GSK3B: variants seen among roughly 807,000 people sequenced by gnomAD.
The protein encoded by GSK3B is glycogen synthase kinase 3 beta.
Under a neutral mutation model 56.4 loss-of-function variants are expected in GSK3B, and 15 were observed. The observed-to-expected ratio is 0.27, with a 90% CI of 0.18 to 0.41. GSK3B has a LOEUF of 0.41. GSK3B is among the 10% of genes least tolerant of loss of function. The pLI is 1.00. For synonymous variants in GSK3B, 181 were observed against 188.9 expected, an observed-to-expected ratio of 0.96 and a Z score of 0.34; for missense variants, 300 against 513.4, an observed-to-expected ratio of 0.58 and a Z score of 4.02.
chr3:120,082,742 G>T (rs2058432266), intron 1 of GSK3B, among the ~76,000 whole-genome samples: 1 of 151,642 alleles, frequency 6.6e-6, no homozygotes. Flanking sequence ...AGGTTATAAA[G>T]ATTTACTACC....
chr3:119,969,001 A>G (rs1232531494), intron 2 of GSK3B, among the ~76,000 whole-genome samples: 1 of 152,128 alleles, frequency 6.6e-6, no homozygotes, highest in Non-Finnish European at 1.5e-5. Context: ...TACAAGATCT[A>G]TATCATGAGG....
At chr3:119,937,326 A>C (rs1373852659) in intron 3 of GSK3B, among the ~76,000 whole-genome samples, 1 of 152,190 alleles carries the variant, frequency 6.6e-6, no homozygotes, top group Admixed American at 6.5e-5. Flanking sequence ...TTCTCATTCT[A>C]TGAGTTCCCT....
At chr3:120,035,333 C>G (rs138773736) in intron 1 of GSK3B, among the ~76,000 whole-genome samples, 2 of 152,328 alleles carry the variant, frequency 1.3e-5, no homozygotes, top group African/African-American at 4.8e-5. Flanking sequence ...TCAGAGCCAA[C>G]ACCTTGATTT....
At chr3:120,079,556 G>A (rs1446058313) in intron 1 of GSK3B, among the ~76,000 whole-genome samples, 5 of 151,606 alleles carry the variant, frequency 3.3e-5, no homozygotes, top group Admixed American at 2.6e-4. Context: ...CACCGTACCC[G>A]GCTAATTTTT....
At chr3:119,947,738 T>C (rs2057113923) in intron 2 of GSK3B, among the ~76,000 whole-genome samples, 2 of 152,024 alleles carry the variant, frequency 1.3e-5, no homozygotes, top group African/African-American at 4.8e-5. Context: ...CTGTAAGAAC[T>C]GTTACTTTAC....
intron 10 of GSK3B, among the ~76,000 whole-genome samples, chr3:119,831,989 A>G (rs916018830): frequency 6.6e-6 from 1 of 152,226 alleles, no homozygotes; most frequent in Non-Finnish European, 1.5e-5. Context: ...AGATGACCCC[A>G]ATGATTCATG....
intron 2 of GSK3B, among the ~76,000 whole-genome samples, chr3:119,954,450 C>T (rs987562934): frequency 7.9e-5 from 12 of 151,732 alleles, no homozygotes; most frequent in Non-Finnish European, 1.0e-4. Context: ...CATCGGGCTG[C>T]AATGTTAAAA....
intron 2 of GSK3B, among the ~76,000 whole-genome samples, chr3:119,994,010 C>T (rs958776422): frequency 3.3e-5 from 5 of 152,060 alleles, no homozygotes; most frequent in South Asian, 2.1e-4. Context: ...TACAGGCACC[C>T]GCCACCATGC....
At chr3:119,900,826 A>C (rs951090583) in intron 7 of GSK3B, among the ~76,000 whole-genome samples, 2 of 152,174 alleles carry the variant, frequency 1.3e-5, no homozygotes, top group Non-Finnish European at 2.9e-5. Context: ...AAGCAGTAAG[A>C]TGGTATTTTT....
In GSK3B at chr3:119,823,905, A is replaced by T. The variant is rs2055455164; in HGVS notation, c.*2883T>A. 1.5e-5 allele frequency: 3 copies of T among 198,092 alleles called. No homozygotes were observed. The South Asian group carries it at 5.8e-4, about 38-fold the overall frequency. The allele number at this position is 198,092 out of a possible 1,614,324, so 12.3% of individuals were successfully genotyped here. ...GGATAAAGGAAACCAATTAAAATTTAAAAAAGAACAAATTAAAAAAAAAAA... is the reference window on the plus strand; with the variant it reads ...GGATAAAGGAAACCAATTAAAATTTTAAAAAGAACAAATTAAAAAAAAAAA... On this transcript the variant is annotated 3_prime_UTR_variant, in exon 11 of 11. Coordinates refer to ENST00000264235, the MANE Select transcript of GSK3B (RefSeq NM_001146156.2).
chr3:120,093,836 T>C lies in GSK3B; in HGVS notation c.-402A>G, dbSNP rs865793037. The C allele has an allele frequency of 9.5e-6, 2 of 210,880 alleles. No individual in the cohort carries two copies. The highest frequency in any genetic ancestry group is 1.9e-5 in the Non-Finnish European group (2 of 106,222). The allele number at this position is 210,880 out of a possible 1,614,324, so 13.1% of individuals were successfully genotyped here. On this transcript the variant is annotated 5_prime_UTR_variant, in exon 1 of 11. Transcript: ENST00000264235. ...CTCGGGGATTTTTTTTCCGAGTCAA[T>C]GAAGAAGGGAAGCGGCGGAAGGATC...
intron 7 of GSK3B, among the ~76,000 whole-genome samples, chr3:119,904,005 T>A (rs1317674493): frequency 2.0e-4 from 31 of 152,154 alleles, no homozygotes. Context: ...AAGTACTAAC[T>A]TTGAACATCA....
intron 2 of GSK3B, among the ~76,000 whole-genome samples, chr3:119,958,973 C>T (rs776320497): frequency 1.3e-5 from 2 of 152,130 alleles, no homozygotes; most frequent in Non-Finnish European, 2.9e-5. Context: ...TACAACACAA[C>T]TAAAACCTCT....
chr3:119,924,048 T>C (rs1055787941), intron 3 of GSK3B, among the ~76,000 whole-genome samples: 2 of 152,226 alleles, frequency 1.3e-5, no homozygotes, highest in Non-Finnish European at 2.9e-5. Context: ...ATATAACTGA[T>C]AGAACAATCA....
intron 1 of GSK3B, among the ~76,000 whole-genome samples, chr3:120,031,676 A>G (rs569172193): frequency 6.6e-6 from 1 of 152,354 alleles, no homozygotes. Flanking sequence ...CAATGCAGTT[A>G]TCACCATCCT....
At chr3:119,839,083 T>C (rs904515508) in intron 10 of GSK3B, among the ~76,000 whole-genome samples, 1 of 152,204 alleles carries the variant, frequency 6.6e-6, no homozygotes, top group African/African-American at 2.4e-5. Context: ...TCAAAGTTTG[T>C]TGGTGATGAC....
chr3:119,831,578 A>C (rs977410069), intron 10 of GSK3B, among the ~76,000 whole-genome samples: 1 of 151,874 alleles, frequency 6.6e-6, no homozygotes, highest in African/African-American at 2.4e-5. Context: ...AATGGCGTGA[A>C]CCTGGGAGGC....
At chr3:120,076,999 A>C (rs1175532784) in intron 1 of GSK3B, among the ~76,000 whole-genome samples, 1 of 152,056 alleles carries the variant, frequency 6.6e-6, no homozygotes, top group Non-Finnish European at 1.5e-5. Flanking sequence ...TTATCAAAAA[A>C]ATAAAAATAA....
At chr3:120,040,469 A>C (rs1003725498) in intron 1 of GSK3B, among the ~76,000 whole-genome samples, 1 of 152,322 alleles carries the variant, frequency 6.6e-6, no homozygotes, top group Admixed American at 6.5e-5. Flanking sequence ...CTCTAACACA[A>C]GGTATTGAGC....
Sources: gnomAD v4.1 joint callset for allele counts (sites outside exome capture counted in the v4.1 genomes callset) on GRCh38, gnomAD v4.1.1 for gene constraint, MANE v1.5 for transcripts, NCBI Gene and HGNC (gene_info 2026-07-23, HGNC 2026-07-21) for gene names.